ZNF560: variants seen among roughly 807,000 people sequenced by gnomAD.
The protein encoded by ZNF560 is zinc finger protein 560.
In ZNF560, 54 loss-of-function variants were observed where a neutral mutation model predicts 81.8. The observed-to-expected ratio is 0.66, with a 90% CI of 0.53 to 0.83. ZNF560 has a LOEUF of 0.83. ZNF560 is among the 40% of genes least tolerant of loss of function. The probability of loss-of-function intolerance (pLI) is 0.00; values close to 1 mark genes in which losing one functional copy is unlikely to be tolerated. For missense variants in ZNF560, 940 were observed against 932.4 expected (o/e 1.01, Z -0.11); for synonymous variants, 321 against 317.9 (o/e 1.01, Z -0.10).
intron 2 of ZNF560, among the ~76,000 whole-genome samples, chr19:9,479,867 C>T (rs545472725): frequency 8.6e-5 from 13 of 151,840 alleles, no homozygotes; most frequent in African/African-American, 3.1e-4. Context: ...TTGGTATCCA[C>T]AGGTGGGGGA....
In ZNF560 at chr19:9,467,098, T is replaced by G; in HGVS notation, c.1849A>C (p.Lys617Gln). 6.2e-7 allele frequency: 1 copy of G among 1,613,904 alleles called. No homozygotes were observed. Among genetic ancestry groups the G allele is most frequent in the Non-Finnish European group, 8.5e-7 (1 of 1,179,982 alleles). The change falls in exon 10 of 10, where the codon AAA becomes CAA. Residue 617 changes from lysine (K) to glutamine (Q), a missense_variant. Lys to Gln is a moderately conservative substitution (Grantham distance 53). Transcript: ENST00000301480. ...TCTCCAGTGTGTCTTCGTAAATGTTTAGTAAGATCTGAGCGTTCTGTGAAG... is the reference window on the plus strand; with the variant it reads ...TCTCCAGTGTGTCTTCGTAAATGTTGAGTAAGATCTGAGCGTTCTGTGAAG... ...KAFTERSDLTKHLRRHTGDKP... is the reference protein window; with the variant it reads ...KAFTERSDLTQHLRRHTGDKP...
rs781229059 is a variant in ZNF560 at position 9,466,848 on chromosome 19, T to C, written c.2099A>G (p.His700Arg). ...TTTGGTGAGAGTTTTTAAGCGATCA[T>C]GAAAGCACATGGAATTTCGAAAGGA... ...GNSFRNSMCFHDRLKTLTKIK... is the reference protein window; with the variant it reads ...GNSFRNSMCFRDRLKTLTKIK... Residue 700 changes from histidine (H) to arginine (R), a missense_variant, in exon 10 of 10, where the codon CAT (histidine) becomes CGT (arginine). His to Arg is a conservative substitution (Grantham distance 29). Coordinates refer to ENST00000301480, the MANE Select transcript of ZNF560 (RefSeq NM_152476.3). 19 of 1,613,788 alleles carry C rather than the reference T, an allele frequency of 1.2e-5. No homozygotes were observed. The highest frequency in any genetic ancestry group is 1.5e-5 in the Non-Finnish European group (18 of 1,179,974).
Position 9,467,725 on chromosome 19 carries a change from C to G in ZNF560, c.1222G>C (p.Glu408Gln). 1 of 1,613,598 alleles carries G rather than the reference C, an allele frequency of 6.2e-7. No homozygotes were observed. Among genetic ancestry groups the G allele is most frequent in the Non-Finnish European group, 8.5e-7 (1 of 1,179,876 alleles). ...GATGTACCAAAGGCTTTACCACATT[C>G]CTTACACCCATAGGGCTTCTCTCCA... is the stretch of plus-strand genomic sequence containing the variant. ...HTGEKPYGCK[E>Q]CGKAFGTSAG... The change falls in exon 10 of 10, where the codon GAA (glutamate) becomes CAA (glutamine). Residue 408 changes from glutamate to glutamine, a missense_variant. Coordinates refer to ENST00000301480, the MANE Select transcript of ZNF560 (RefSeq NM_152476.3).
At chr19:9,477,760 G>A (rs372064831) in intron 2 of ZNF560, among the ~76,000 whole-genome samples, 7 of 151,592 alleles carry the variant, frequency 4.6e-5, no homozygotes, top group African/African-American at 1.7e-4. Context: ...CTTCCTTTAT[G>A]GTTCTTACAA....
At chr19:9,462,506 C>A (rs1424230156), downstream of ZNF560, among the ~76,000 whole-genome samples, 1 of 152,102 alleles carries the variant, frequency 6.6e-6, no homozygotes, top group African/African-American at 2.4e-5. Flanking sequence ...GGCTGTTAGC[C>A]CCCTGATCCC....
chr19:9,475,607 CT>C (rs34316228), intron 2 of ZNF560, among the ~76,000 whole-genome samples: 3,266 of 139,788 alleles, frequency 0.023, 38 homozygotes, highest in Non-Finnish European at 0.033. Context: ...GGTAAAGAAA[CT>C]TTTTTTTTTT....
intron 4 of ZNF560, among the ~76,000 whole-genome samples, chr19:9,473,518 C>T (rs1484034353): frequency 6.6e-6 from 1 of 151,242 alleles, no homozygotes; most frequent in Non-Finnish European, 1.5e-5. Flanking sequence ...GCAGAGGTTG[C>T]AGTGAGCCGA....
rs145772402 is a variant in ZNF560 at position 9,475,808 on chromosome 19, G to A, written c.-56-439C>T. Among the ~76,000 whole-genome samples the A allele has an allele frequency of 1.7e-3, 255 of 152,082 alleles. 1 individual carries two copies. The highest frequency in any genetic ancestry group is 2.5e-3 in the Non-Finnish European group (173 of 67,970). On this transcript the variant is annotated intron_variant, in intron 2 of 9. Coordinates refer to ENST00000301480, the MANE Select transcript of ZNF560 (RefSeq NM_152476.3). Reference sequence around the variant, plus strand: ...GTTTTAGTAGAGATGGGGTTTCACCGTGTTACCCAGGATGTTCTCCATCTC... The same window carrying A: ...GTTTTAGTAGAGATGGGGTTTCACCATGTTACCCAGGATGTTCTCCATCTC...
chr19:9,474,444 C>T, intron 3 of ZNF560, 119 bp from the exon 4 acceptor site: 1 of 1,143,308 alleles, frequency 8.7e-7, no homozygotes, highest in South Asian at 1.6e-5. Flanking sequence ...ATTATCTACC[C>T]AAAGCTTAAT....
At chr19:9,488,062 G>C (rs941535355) in intron 2 of ZNF560, among the ~76,000 whole-genome samples, 1 of 152,138 alleles carries the variant, frequency 6.6e-6, no homozygotes. Flanking sequence ...CATGGGGGTA[G>C]ATCTCACATA....
In ZNF560 at chr19:9,475,305, G is replaced by A. The variant is rs1010148313; in HGVS notation, c.9C>T (p.Tyr3=). MA[Y]CLTNCYQYSV... ...ATACCTGATAACAATTTGTCAGGCAGTAAGCCATCTTCCTTTCTGCCTCTG... is the reference window on the plus strand; with the variant it reads ...ATACCTGATAACAATTTGTCAGGCAATAAGCCATCTTCCTTTCTGCCTCTG... Residue 3 remains tyrosine, a synonymous_variant, in exon 3 of 10, where the codon TAC becomes TAT. Coordinates refer to ENST00000301480, the MANE Select transcript of ZNF560 (RefSeq NM_152476.3). 4 of 1,613,748 alleles carry A rather than the reference G, an allele frequency of 2.5e-6. No homozygotes were observed. The highest frequency in any genetic ancestry group is 3.4e-6 in the Non-Finnish European group (4 of 1,179,968).
chr19:9,452,320 G>A, the ZNF560 span, among the ~76,000 whole-genome samples: 1 of 152,188 alleles, frequency 6.6e-6, no homozygotes, highest in Non-Finnish European at 1.5e-5. Context: ...TGGTTGGAAT[G>A]TACTGTGGAA....
the ZNF560 span, among the ~76,000 whole-genome samples, chr19:9,454,422 G>A: frequency 2.0e-4 from 30 of 152,192 alleles, no homozygotes; most frequent in African/African-American, 6.8e-4. Context: ...GCTCGAACCC[G>A]GGTCGAAGGG....
chr19:9,479,163 G>A (rs2073247325), intron 2 of ZNF560, among the ~76,000 whole-genome samples: 1 of 150,862 alleles, frequency 6.6e-6, no homozygotes, highest in African/African-American at 2.5e-5. Context: ...CTCCAGCCTG[G>A]GATTTTTTTT....
At chr19:9,502,546 T>A (rs1186737688), upstream of ZNF560, among the ~76,000 whole-genome samples, 1 of 152,186 alleles carries the variant, frequency 6.6e-6, no homozygotes, top group Non-Finnish European at 1.5e-5. Context: ...TGAGAAACAC[T>A]GGTGTTGATT....
chr19:9,462,412 A>C (rs2072946286), downstream of ZNF560, among the ~76,000 whole-genome samples: 1 of 152,248 alleles, frequency 6.6e-6, no homozygotes, highest in East Asian at 1.9e-4. Flanking sequence ...CTTTCAGTTA[A>C]TCTACAAACT....
chr19:9,470,683 A>C lies in ZNF560; in HGVS notation c.322-165T>G, dbSNP rs1247704219. ...GGAACTCTTCTATCCACATTCACTC[A>C]CTGTCAATTTCCTCCAATAACATGG... On this transcript the variant is annotated intron_variant, in intron 6 of 9. Coordinates refer to ENST00000301480, the MANE Select transcript of ZNF560 (RefSeq NM_152476.3). 6.6e-5 allele frequency among the ~76,000 whole-genome samples: 10 copies of C among 152,176 alleles called. 1 individual carries two copies. In the South Asian group the frequency reaches 2.1e-3, roughly 32 times the overall value.
Position 9,467,528 on chromosome 19 carries a change from T to A in ZNF560, c.1419A>T (p.Ser473=). 6.2e-7 allele frequency: 1 copy of A among 1,614,182 alleles called. No homozygotes were observed. The highest frequency in any genetic ancestry group is 8.5e-7 in the Non-Finnish European group (1 of 1,180,016). Residue 473 remains serine (S), a synonymous_variant, in exon 10 of 10, where the codon TCA becomes TCT. Coordinates refer to ENST00000301480, the MANE Select transcript of ZNF560 (RefSeq NM_152476.3). The part of the protein sequence containing the change: ...KEYGKAFGTS[S]GVIEDRRSNT... Reference sequence around the variant, plus strand: ...TACTTCTTCTATCTTCAATAACACCTGAGGATGTACCAAAGGCCTTCCCAT... The same window carrying A: ...TACTTCTTCTATCTTCAATAACACCAGAGGATGTACCAAAGGCCTTCCCAT...
At chr19:9,503,517 C>T (rs73002117), upstream of ZNF560, among the ~76,000 whole-genome samples, 15,400 of 152,106 alleles carry the variant, frequency 0.1, 909 homozygotes, top group South Asian at 0.2. Context: ...ATCTGGGCCT[C>T]TCATTTTAAA....
Sources: gnomAD v4.1 joint callset for allele counts (sites outside exome capture counted in the v4.1 genomes callset) on GRCh38, gnomAD v4.1.1 for gene constraint, MANE v1.5 for transcripts, NCBI Gene and HGNC (gene_info 2026-07-23, HGNC 2026-07-21) for gene names.